KIF22: variants seen among roughly 807,000 people sequenced by gnomAD.
The protein encoded by KIF22 is kinesin family member 22.
KIF22 carries 62 observed loss-of-function variants against 73.0 expected under a neutral mutation model. The observed-to-expected ratio is 0.85, with a 90% CI of 0.69 to 1.05. The LOEUF (loss-of-function observed/expected upper bound fraction) is 1.05. Among genes scored for constraint, KIF22 ranks in the 50% least tolerant of loss-of-function variants. KIF22 has a pLI of 0.00. For missense variants in KIF22, 854 were observed against 870.1 expected, an observed-to-expected ratio of 0.98 and a Z score of 0.23; for synonymous variants, 411 against 340.1, an observed-to-expected ratio of 1.21 and a Z score of -2.29.
At position 29,790,806 on chromosome 16, in the gene KIF22, C is replaced by A. The variant is rs749333232; in HGVS notation, c.47C>A (p.Ala16Glu). 3 of 1,604,666 alleles carry A rather than the reference C, an allele frequency of 1.9e-6. No individual in the cohort carries two copies. The highest frequency in any genetic ancestry group is 2.7e-5 in the African/African-American group (2 of 74,816). Residue 16 changes from alanine to glutamate, a missense_variant, in exon 1 of 14, where the codon GCA becomes GAA. Physicochemically the swap from Ala to Glu is moderately radical, Grantham distance 107 (BLOSUM62 -1). This residue lies in a region of KIF22 where 186 missense variants were observed against 152.9 expected (regional missense o/e 1.22). Coordinates refer to ENST00000160827, the MANE Select transcript of KIF22 (RefSeq NM_007317.3). ...STQQRRREMA[A>E]ASAAAISGAG... ...CAGCAGAGGCGACGCGAGATGGCGG[C>A]AGCTTCAGCGGCGGCGATCTCAGGT...
At chr16:29,795,636 T>G (rs1257303354) in intron 1 of KIF22, among the ~76,000 whole-genome samples, 1 of 152,190 alleles carries the variant, frequency 6.6e-6, no homozygotes, top group East Asian at 1.9e-4. Context: ...TATGTTATCC[T>G]CCAACGTAAA....
chr16:29,796,268 C>CAAA (rs34919158), intron 1 of KIF22, among the ~76,000 whole-genome samples: 81,551 of 99,450 alleles, frequency 0.82, 34,209 homozygotes, highest in Admixed American at 0.89. Context: ...AAGACTGTCT[C>CAAA]AAAAAAAAAA....
intron 8 of KIF22, chr16:29,800,354 G>A (rs1899096008): frequency 8.8e-6 from 2 of 226,632 alleles, no homozygotes; most frequent in South Asian, 1.3e-4. Context: ...CTACTTGGGA[G>A]GCTGAGGCAG....
rs757390866 is a variant in KIF22 at position 29,790,813 on chromosome 16, A to G, written c.54A>G (p.Ser18=). The stretch of plus-strand genomic sequence containing the variant: ...GGCGACGCGAGATGGCGGCAGCTTC[A>G]GCGGCGGCGATCTCAGGTACTTGAG... ...QQRRREMAAA[S]AAAISGAGRC... The change falls in exon 1 of 14, where the codon TCA becomes TCG. Residue 18 remains serine, a synonymous_variant. Transcript: ENST00000160827. The G allele has an allele frequency of 3.7e-6, 6 of 1,602,714 alleles. No individual in the cohort carries two copies. The South Asian group carries it at 6.7e-5, about 18-fold the overall frequency.
chr16:29,794,303 G>C (rs1171690078), intron 1 of KIF22, among the ~76,000 whole-genome samples: 3 of 152,162 alleles, frequency 2.0e-5, no homozygotes, highest in Non-Finnish European at 2.9e-5. Flanking sequence ...ACATTAAAAA[G>C]CACTTACTGG....
chr16:29,791,222 G>A, intron 1 of KIF22: 1 of 1,083,422 alleles, frequency 9.2e-7, no homozygotes, highest in Non-Finnish European at 1.1e-6. Context: ...GGAGCCGGAG[G>A]CGTGTATTGG....
Position 29,803,619 on chromosome 16 carries a change from C to T in KIF22, c.1609+11C>T. The T allele has an allele frequency of 6.3e-7, 1 of 1,598,478 alleles. No individual in the cohort carries two copies. The highest frequency in any genetic ancestry group is 1.1e-5 in the South Asian group (1 of 89,008). On this transcript the variant is annotated intron_variant, in intron 10 of 13. Coordinates refer to ENST00000160827, the MANE Select transcript of KIF22 (RefSeq NM_007317.3). ...TGCCCCTACAGCTAAGTAAGTTTGA[C>T]TCCAGGGGCTGGGGGGCCAAGGCAG...
intron 1 of KIF22, among the ~76,000 whole-genome samples, chr16:29,795,980 G>A (rs533109749): frequency 1.3e-5 from 2 of 152,060 alleles, no homozygotes; most frequent in South Asian, 4.2e-4. Context: ...GTTAAGAAAT[G>A]GAGGTACAGG....
rs769858647 is a variant in KIF22, at chr16:29,803,548, C to G, written c.1549C>G (p.His517Asp). ...HCPTMLRPLSHRTVTGAKPLK... is the reference protein window; with the variant it reads ...HCPTMLRPLSDRTVTGAKPLK... ...TCCCACAATGCTCCGGCCCCTTTCA[C>G]ATCGCACAGTCACAGGGGCAAAGCC... The change falls in exon 10 of 14, where the codon CAT becomes GAT. Residue 517 changes from histidine to aspartate, a missense_variant. Around this residue, in one of 3 missense-constraint regions of KIF22, gnomAD observed 423 missense variants for 365.4 expected, o/e 1.16. Coordinates refer to ENST00000160827, the MANE Select transcript of KIF22 (RefSeq NM_007317.3). 1.2e-6 allele frequency: 2 copies of G among 1,613,898 alleles called. No homozygotes were observed. Among genetic ancestry groups the G allele is most frequent in the Non-Finnish European group, 1.7e-6 (2 of 1,179,860 alleles).
At chr16:29,802,404 C>A (rs1899172994) in intron 8 of KIF22, among the ~76,000 whole-genome samples, 1 of 152,012 alleles carries the variant, frequency 6.6e-6, no homozygotes, top group Non-Finnish European at 1.5e-5. Flanking sequence ...ATTTCAAAGC[C>A]CTGCTAAAGA....
At chr16:29,804,387 A>G in intron 11 of KIF22, 1 of 606,992 alleles carries the variant, frequency 1.6e-6, no homozygotes, top group South Asian at 1.9e-5. Flanking sequence ...ACATATGCAC[A>G]TACCCAGAAT....
At chr16:29,796,485 G>T (rs1045159096) in intron 1 of KIF22, among the ~76,000 whole-genome samples, 1 of 151,784 alleles carries the variant, frequency 6.6e-6, no homozygotes, top group African/African-American at 2.4e-5. Flanking sequence ...GAGGTAGGAG[G>T]ATCGCTGGAG....
Position 29,804,881 on chromosome 16 carries a change from C to G in KIF22, c.1745C>G (p.Pro582Arg), listed in dbSNP as rs901882672. The change falls in exon 12 of 14, where the codon CCG becomes CGG. Residue 582 changes from proline to arginine, a missense_variant. Pro to Arg is a moderately radical substitution (Grantham distance 103, BLOSUM62 -2). Coordinates refer to ENST00000160827, the MANE Select transcript of KIF22 (RefSeq NM_007317.3). ...GACTGCTGGGAGCTACAGATCAGCC[C>G]GGAGCTACTGGCTCATGGGCGCCAA... ...AEDCWELQIS[P>R]ELLAHGRQKI... The G allele has an allele frequency of 1.3e-5, 21 of 1,613,800 alleles. No homozygotes were observed. The highest frequency in any genetic ancestry group is 1.6e-5 in the Non-Finnish European group (19 of 1,179,980).
Position 29,805,223 on chromosome 16 carries a change from CCTCT to C in KIF22, c.1951-37_1951-34del, listed in dbSNP as rs755781200. ...CTCTGCCTGTCCTGCGCCCCGCGCC[CCTCT>C]CTAACGTCGCTGTCTCCCTCCCTCC... On this transcript the variant is annotated intron_variant, in intron 13 of 13. Transcript: ENST00000160827. 1.9e-6 allele frequency: 3 copies of C among 1,613,994 alleles called. No homozygotes were observed. In the Admixed American group the frequency reaches 5.0e-5, roughly 27 times the overall value.
chr16:29,805,119 A>G lies in KIF22; in HGVS notation c.1895A>G (p.Glu632Gly). Residue 632 changes from glutamate to glycine, a missense_variant, in exon 13 of 14, where the codon GAG becomes GGG. Coordinates refer to ENST00000160827, the MANE Select transcript of KIF22 (RefSeq NM_007317.3). ...RELHGPFSQV[E>G]DLERVEGITG... ...CTATCGATCCTGTCCCGCCAGGTGG[A>G]GGACCTGGAACGCGTGGAGGGCATA... is the stretch of plus-strand genomic sequence containing the variant. The G allele has an allele frequency of 6.2e-7, 1 of 1,611,966 alleles. No individual in the cohort carries two copies. Among genetic ancestry groups the G allele is most frequent in the Non-Finnish European group, 8.5e-7 (1 of 1,179,774 alleles).
In KIF22 at chr16:29,799,426, G is replaced by C; in HGVS notation, c.922G>C (p.Val308Leu). The C allele has an allele frequency of 1.9e-6, 3 of 1,614,256 alleles. No individual in the cohort carries two copies. Among genetic ancestry groups the C allele is most frequent in the Non-Finnish European group, 1.7e-6 (2 of 1,180,044 alleles). Residue 308 changes from valine (V) to leucine (L), a missense_variant, in exon 6 of 14, where the codon GTA becomes CTA. By Grantham distance (32) the Val-to-Leu change is conservative. Around this residue, in one of 3 missense-constraint regions of KIF22, gnomAD observed 245 missense variants for 351.8 expected, o/e 0.70. Coordinates refer to ENST00000160827, the MANE Select transcript of KIF22 (RefSeq NM_007317.3). ...CTCCCTGTTTGTCCTGGGCAAAGTG[G>C]TAGATGCGCTGAATCAGGGCCTCCC... ...NTSLFVLGKV[V>L]DALNQGLPRV...
intron 9 of KIF22, 123 bp from the exon 10 acceptor site, chr16:29,803,326 C>G: frequency 1.7e-6 from 2 of 1,158,774 alleles, no homozygotes; most frequent in South Asian, 3.2e-5. Context: ...CTGGTAACCT[C>G]CCACTGGTCC....
intron 8 of KIF22, 33 bp downstream of exon 8, chr16:29,800,081 C>T (rs1457692889): frequency 6.3e-7 from 1 of 1,588,506 alleles, no homozygotes; most frequent in Admixed American, 1.8e-5. Flanking sequence ...TATCCCCTTC[C>T]TGATGTATGG....
Position 29,790,790 on chromosome 16 carries a change from C to G in KIF22, c.31C>G (p.Arg11Gly), listed in dbSNP as rs556897693. The change falls in exon 1 of 14, where the codon CGA becomes GGA. Residue 11 changes from arginine to glycine, a missense_variant. Physicochemically the swap from Arg to Gly is moderately radical, Grantham distance 125 (BLOSUM62 -2). This residue lies in a region of KIF22 where 186 missense variants were observed against 152.9 expected (regional missense o/e 1.22). Coordinates refer to ENST00000160827, the MANE Select transcript of KIF22 (RefSeq NM_007317.3). Reference protein sequence around the residue: MAAGGSTQQRRREMAAASAAA... With the variant: MAAGGSTQQRGREMAAASAAA... ...CGCGGGCGGCTCGACGCAGCAGAGG[C>G]GACGCGAGATGGCGGCAGCTTCAGC... 1.9e-6 allele frequency: 3 copies of G among 1,603,238 alleles called. No homozygotes were observed. Among genetic ancestry groups the G allele is most frequent in the Non-Finnish European group, 1.7e-6 (2 of 1,175,082 alleles).
Sources: allele counts gnomAD v4.1 joint callset (sites outside exome capture counted in the v4.1 genomes callset), GRCh38; gene constraint gnomAD v4.1.1; regional missense constraint gnomAD v4.1.1; transcripts MANE v1.5; gene names NCBI Gene and HGNC (gene_info 2026-07-23, HGNC 2026-07-21).